Variants in TRAPPC10 observed in about 807,000 individuals in gnomAD.
TRAPPC10 encodes the protein TRAPP 130 kDa subunit.
A neutral mutation model predicts 125.5 loss-of-function variants in TRAPPC10; 23 were observed. That is an observed-to-expected ratio of 0.18 (90% CI 0.13 to 0.26). The LOEUF (loss-of-function observed/expected upper bound fraction) is 0.26, where lower values mean the gene tolerates loss of function less well. TRAPPC10 is among the 10% of genes least tolerant of loss of function. The pLI, the probability that TRAPPC10 is intolerant of heterozygous loss-of-function variation, is 1.00. For missense variants in TRAPPC10, 1,123 were observed against 1,308.4 expected, an observed-to-expected ratio of 0.86 and a Z score of 2.19; for synonymous variants, 509 against 518.0, an observed-to-expected ratio of 0.98 and a Z score of 0.24.
intron 1 of TRAPPC10, among the ~76,000 whole-genome samples, chr21:44,016,921 C>T (rs1043815955): frequency 1.2e-4 from 18 of 152,290 alleles, no homozygotes; most frequent in Non-Finnish European, 2.2e-4. Flanking sequence ...TCCCAAAGTG[C>T]TGGGATTATA....
At chr21:44,047,034 C>T in intron 3 of TRAPPC10, 1 of 724,132 alleles carries the variant, frequency 1.4e-6, no homozygotes. Context: ...CACCTTACTG[C>T]CAGCCATTTC....
chr21:44,071,053 A>G (rs1279141668), intron 7 of TRAPPC10, among the ~76,000 whole-genome samples: 1 of 152,238 alleles, frequency 6.6e-6, no homozygotes, highest in African/African-American at 2.4e-5. Context: ...CAGCAGTGAA[A>G]AAGAACAGGC....
chr21:44,090,050 C>T, intron 18 of TRAPPC10, 117 bp downstream of exon 18: 2 of 685,966 alleles, frequency 2.9e-6, no homozygotes, highest in South Asian at 1.8e-5. Flanking sequence ...TATGTGACCA[C>T]AAGGCCATTG....
chr21:44,019,721 A>G (rs953311718), intron 1 of TRAPPC10, among the ~76,000 whole-genome samples: 1 of 152,202 alleles, frequency 6.6e-6, no homozygotes, highest in East Asian at 1.9e-4. Flanking sequence ...ATAAGGTGAC[A>G]TTCACAGGTT....
intron 11 of TRAPPC10, among the ~76,000 whole-genome samples, chr21:44,078,684 G>C (rs140963692): frequency 8.7e-4 from 132 of 152,328 alleles, no homozygotes; most frequent in Non-Finnish European, 1.5e-3. Flanking sequence ...TCCATGCTGT[G>C]TATCTGAAGA....
chr21:44,031,901 TTCA>T (rs1204432680), intron 1 of TRAPPC10, among the ~76,000 whole-genome samples, 187 bp from the exon 2 acceptor site: 1 of 152,184 alleles, frequency 6.6e-6, no homozygotes, highest in Non-Finnish European at 1.5e-5. Flanking sequence ...AGGGTTCAGC[TTCA>T]TCACATCTGT....
At position 44,059,215 on chromosome 21, in the gene TRAPPC10, G is replaced by A; in HGVS notation, c.790+1G>A. 6.3e-7 allele frequency: 1 copy of A among 1,597,582 alleles called. No homozygotes were observed. Among genetic ancestry groups the A allele is most frequent in the South Asian group, 1.1e-5 (1 of 88,262 alleles). On this transcript the variant is annotated splice_donor_variant, in intron 6 of 22. Transcript: ENST00000291574. LOFTEE classifies it high-confidence loss of function. This position sits in a 1 kb window ranked among gnomAD's most constrained non-coding sequence, Gnocchi z 4.4. ...TATGTGGTCAACTTCGGGGCCGGGG[G>A]TGAGTAGTGGCACTTCAGTAACGCA... is the stretch of plus-strand genomic sequence containing the variant.
rs771454453 is a variant in TRAPPC10 at position 44,063,650 on chromosome 21, C to A, written c.903C>A (p.Ala301=). The change falls in exon 7 of 23, where the codon GCC becomes GCA. Residue 301 remains alanine, a synonymous_variant. Transcript: ENST00000291574. The surrounding 1 kb of genome is among the most constrained non-coding windows in gnomAD (Gnocchi z 4.4). Reference sequence around the variant, plus strand: ...GGGAATCGATCCAGAGGCGAGAAGCCACCCTGTTAGATCTGCGCAGTTACC... The same window carrying A: ...GGGAATCGATCCAGAGGCGAGAAGCAACCCTGTTAGATCTGCGCAGTTACC... ...EKRESIQRRE[A]TLLDLRSYLF... is the part of the protein sequence containing the mutation. 6.2e-7 allele frequency: 1 copy of A among 1,614,230 alleles called. No individual in the cohort carries two copies. The highest frequency in any genetic ancestry group is 2.2e-5 in the East Asian group (1 of 44,884).
At chr21:44,035,561 G>C (rs2033927966) in intron 2 of TRAPPC10, among the ~76,000 whole-genome samples, 1 of 152,060 alleles carries the variant, frequency 6.6e-6, no homozygotes, top group Admixed American at 6.6e-5. Context: ...GGCCAAGGCG[G>C]GTAGATTGGA....
intron 3 of TRAPPC10, among the ~76,000 whole-genome samples, chr21:44,051,047 G>A (rs2035200258): frequency 6.6e-6 from 1 of 152,166 alleles, no homozygotes; most frequent in South Asian, 2.1e-4. Context: ...GGGACTACAG[G>A]TGCACACCGC....
intron 1 of TRAPPC10, among the ~76,000 whole-genome samples, chr21:44,021,310 G>A (rs1304978019): frequency 1.3e-5 from 2 of 152,120 alleles, no homozygotes; most frequent in African/African-American, 4.8e-5. Flanking sequence ...ATGTCAGAGA[G>A]CAAAGATCCC....
intron 2 of TRAPPC10, among the ~76,000 whole-genome samples, chr21:44,036,025 G>A (rs141170694): frequency 1.7e-4 from 26 of 152,238 alleles, no homozygotes; most frequent in African/African-American, 4.3e-4. Flanking sequence ...AAATCACGGA[G>A]CTCCAGGATC....
intron 18 of TRAPPC10, among the ~76,000 whole-genome samples, chr21:44,091,549 C>T (rs575382340): frequency 2.6e-5 from 4 of 152,304 alleles, no homozygotes; most frequent in Admixed American, 6.5e-5. Flanking sequence ...AAGCAATGCT[C>T]GTGCCTCAGC....
At chr21:44,020,351 C>G (rs1235521402) in intron 1 of TRAPPC10, among the ~76,000 whole-genome samples, 1 of 152,086 alleles carries the variant, frequency 6.6e-6, no homozygotes, top group Admixed American at 6.6e-5. Flanking sequence ...TGGTCTCGAT[C>G]TCCTGACCTT....
At chr21:44,062,538 T>C (rs1336864217) in intron 6 of TRAPPC10, 1 of 985,028 alleles carries the variant, frequency 1.0e-6, no homozygotes, top group East Asian at 1.1e-4. Flanking sequence ...GTGAGAATCC[T>C]GTGGGAGGGG....
At chr21:44,061,900 G>GTAT (rs1403900650) in intron 6 of TRAPPC10, among the ~76,000 whole-genome samples, 1 of 152,194 alleles carries the variant, frequency 6.6e-6, no homozygotes, top group African/African-American at 2.4e-5. Flanking sequence ...CATTCTAACT[G>GTAT]AGGGCATTTG....
At position 44,032,212 on chromosome 21, in the gene TRAPPC10, T is replaced by G. The variant is rs567338829; in HGVS notation, c.149+40T>G. ...TTTTTTGGCTGTATCCCTCTCTTCA[T>G]TTTTTAAAATGAAGTACATGTTTTT... On this transcript the variant is annotated intron_variant, in intron 2 of 22. Transcript: ENST00000291574. The G allele has an allele frequency of 3.3e-5, 50 of 1,503,344 alleles. No homozygotes were observed. The African/African-American group carries it at 6.7e-4, about 20-fold the overall frequency. The allele number at this position is 1,503,344 out of a possible 1,614,324, so 93.1% of individuals were successfully genotyped here.
At chr21:44,091,565 G>T (rs927626686) in intron 18 of TRAPPC10, among the ~76,000 whole-genome samples, 1 of 152,018 alleles carries the variant, frequency 6.6e-6, no homozygotes, top group South Asian at 2.1e-4. Flanking sequence ...TCAGCCTCCC[G>T]AGCAGCTGGG....
At chr21:44,020,887 T>C (rs558793821) in intron 1 of TRAPPC10, among the ~76,000 whole-genome samples, 49 of 152,302 alleles carry the variant, frequency 3.2e-4, no homozygotes, top group African/African-American at 7.9e-4. Flanking sequence ...TGTAACTGTT[T>C]AGTAGCACAG....
Sources: allele counts gnomAD v4.1 joint callset (sites outside exome capture counted in the v4.1 genomes callset), GRCh38; gene constraint gnomAD v4.1.1; non-coding constraint Gnocchi (gnomAD v3.1); transcripts MANE v1.5; gene names NCBI Gene and HGNC (gene_info 2026-07-23, HGNC 2026-07-21).